VAT1L: variants seen among roughly 807,000 people sequenced by gnomAD.
VAT1L encodes putative NADPH-dependent quinone oxidoreductase VAT1L.
A neutral mutation model predicts 44.1 loss-of-function variants in VAT1L; 34 were observed. The ratio of observed to expected loss-of-function variants is 0.77; its 90% CI spans 0.59 to 1.03. The LOEUF is 1.03. VAT1L is among the 50% of genes least tolerant of loss of function. The pLI, the probability that VAT1L is intolerant of heterozygous loss-of-function variation, is 0.00. For missense variants in VAT1L, 615 were observed against 538.8 expected (o/e 1.14, Z -1.40); for synonymous variants, 253 against 202.2 (o/e 1.25, Z -2.13).
chr16:77,851,563 G>A (rs936426347), intron 3 of VAT1L, among the ~76,000 whole-genome samples: 14 of 152,022 alleles, frequency 9.2e-5, no homozygotes, highest in African/African-American at 3.1e-4. Context: ...TGAGGTGGGA[G>A]GATCGCTTGA....
At chr16:77,931,255 C>T (rs930638202) in intron 7 of VAT1L, among the ~76,000 whole-genome samples, 3 of 152,092 alleles carry the variant, frequency 2.0e-5, no homozygotes, top group African/African-American at 7.2e-5. Context: ...ACGTCAGCAC[C>T]CTCAGAATGA....
intron 4 of VAT1L, among the ~76,000 whole-genome samples, chr16:77,868,917 G>T (rs890693877): frequency 6.6e-6 from 1 of 152,136 alleles, no homozygotes; most frequent in Non-Finnish European, 1.5e-5. Flanking sequence ...AATATGAAAC[G>T]ACTGCAGACC....
At chr16:77,828,375 G>C (rs1038284100) in intron 3 of VAT1L, among the ~76,000 whole-genome samples, 5 of 152,342 alleles carry the variant, frequency 3.3e-5, no homozygotes, top group Non-Finnish European at 7.3e-5. Context: ...TTAAAGGTGG[G>C]AGTGGGGGCC....
At chr16:77,933,960 G>C (rs1213078050) in intron 7 of VAT1L, among the ~76,000 whole-genome samples, 1 of 152,166 alleles carries the variant, frequency 6.6e-6, no homozygotes, top group Non-Finnish European at 1.5e-5. Context: ...AGTGCTTTGG[G>C]CGATGGAATG....
chr16:77,816,374 T>C lies in VAT1L; in HGVS notation c.234-547T>C, dbSNP rs549321446. Among the ~76,000 whole-genome samples the C allele has an allele frequency of 5.9e-5, 9 of 152,282 alleles. No individual in the cohort carries two copies. The South Asian group carries it at 1.4e-3, about 25-fold the overall frequency. On this transcript the variant is annotated intron_variant, in intron 1 of 8. Transcript: ENST00000302536. The stretch of plus-strand genomic sequence containing the variant: ...ATCTCCTGATGGCTTATATTCACCA[T>C]TGTGGGAGCTGTTTATGCATAGTGC...
At position 77,874,860 on chromosome 16, in the gene VAT1L, A is replaced by T. The variant is rs796331307; in HGVS notation, c.723-1510A>T. On this transcript the variant is annotated intron_variant, in intron 4 of 8. Coordinates refer to ENST00000302536, the MANE Select transcript of VAT1L (RefSeq NM_020927.3). ...TTTGTAAAAAAAAAAAAAAAAAAAA[A>T]AAAGCCAGTCTGGCTCCTAAGTAAC... 2.4e-3 allele frequency among the ~76,000 whole-genome samples: 369 copies of T among 151,112 alleles called. 3 individuals carry two copies. Among genetic ancestry groups the T allele is most frequent in the South Asian group, 0.013 (61 of 4,778 alleles).
chr16:77,960,625 T>A (rs556441068), intron 7 of VAT1L, among the ~76,000 whole-genome samples: 2 of 152,170 alleles, frequency 1.3e-5, no homozygotes, highest in East Asian at 1.9e-4. Flanking sequence ...CAGGATCTCA[T>A]TGGCCAAAGC....
intron 1 of VAT1L, among the ~76,000 whole-genome samples, chr16:77,810,960 C>T (rs544939833): frequency 6.6e-6 from 1 of 152,280 alleles, no homozygotes; most frequent in South Asian, 2.1e-4. Context: ...CAATGGGTTT[C>T]TGAAGATTCT....
intron 4 of VAT1L, among the ~76,000 whole-genome samples, chr16:77,874,728 G>A (rs899035068): frequency 6.6e-6 from 1 of 151,306 alleles, no homozygotes; most frequent in Non-Finnish European, 1.5e-5. Context: ...TGTAATTATT[G>A]GTGAATATCT....
chr16:77,850,273 A>G (rs1436929092), intron 3 of VAT1L, among the ~76,000 whole-genome samples: 1 of 152,148 alleles, frequency 6.6e-6, no homozygotes, highest in African/African-American at 2.4e-5. Flanking sequence ...GGCTGTATGC[A>G]CACTTCTCTG....
intron 7 of VAT1L, among the ~76,000 whole-genome samples, chr16:77,962,739 A>AGAAGGAAGGAAGGAAGAAAGGAAG (rs2018175858): frequency 7.7e-6 from 1 of 129,328 alleles, no homozygotes; most frequent in Non-Finnish European, 1.6e-5. Context: ...AAAGAAGGAA[A>AGAAGGAAGGAAGGAAGAAAGGAAG]GAAGGAAGGA....
chr16:77,876,463 C>T lies in VAT1L; in HGVS notation c.816C>T (p.Tyr272=), dbSNP rs1316159190. The part of the protein sequence containing the change: ...GLSLLKPLGT[Y]ILYGSSNMVT... ...GTCTTCTCAAACCCCTGGGAACCTA[C>T]ATTTTATATGGTGAGTGCAAAACAG... is the stretch of plus-strand genomic sequence containing the variant. The change falls in exon 5 of 9, where the codon TAC becomes TAT. Residue 272 remains tyrosine (Y), a synonymous_variant. Coordinates refer to ENST00000302536, the MANE Select transcript of VAT1L (RefSeq NM_020927.3). 5 of 1,614,122 alleles carry T rather than the reference C, an allele frequency of 3.1e-6. No homozygotes were observed. The Admixed American group carries it at 5.0e-5, about 16-fold the overall frequency.
intron 7 of VAT1L, among the ~76,000 whole-genome samples, chr16:77,886,358 C>T (rs750635124): frequency 6.6e-6 from 1 of 152,054 alleles, no homozygotes. Flanking sequence ...GGAGAGAAAA[C>T]GGAATCATCA....
intron 1 of VAT1L, among the ~76,000 whole-genome samples, chr16:77,795,864 C>T (rs1020948255): frequency 4.9e-5 from 6 of 123,022 alleles, no homozygotes; most frequent in African/African-American, 1.2e-4. Flanking sequence ...TTTGCACTGT[C>T]GCCCAGGCTG....
At chr16:77,842,841 T>C (rs973014933) in intron 3 of VAT1L, among the ~76,000 whole-genome samples, 1 of 152,226 alleles carries the variant, frequency 6.6e-6, no homozygotes, top group African/African-American at 2.4e-5. Flanking sequence ...AATTTTACCA[T>C]GTAAATTTGT....
At chr16:77,954,467 C>G (rs173856) in intron 7 of VAT1L, among the ~76,000 whole-genome samples, 9 of 152,130 alleles carry the variant, frequency 5.9e-5, no homozygotes, top group African/African-American at 1.9e-4. Context: ...TCTACTAAAA[C>G]TATAAAAATT....
chr16:77,908,740 C>G (rs978248490), intron 7 of VAT1L, among the ~76,000 whole-genome samples: 1 of 151,880 alleles, frequency 6.6e-6, no homozygotes, highest in South Asian at 2.1e-4. Context: ...ACAGCGAAAC[C>G]CGTCTCTACT....
intron 7 of VAT1L, among the ~76,000 whole-genome samples, chr16:77,942,361 A>G (rs557804508): frequency 6.6e-6 from 1 of 152,146 alleles, no homozygotes; most frequent in South Asian, 2.1e-4. Context: ...CTCCCACGAT[A>G]TGGAAATTGT....
intron 7 of VAT1L, among the ~76,000 whole-genome samples, chr16:77,890,073 C>G (rs686136): frequency 2.0e-5 from 3 of 151,868 alleles, no homozygotes; most frequent in African/African-American, 7.3e-5. Flanking sequence ...GGCAACAGAG[C>G]AAGACACCAT....
Sources: allele counts gnomAD v4.1 joint callset (sites outside exome capture counted in the v4.1 genomes callset), GRCh38; gene constraint gnomAD v4.1.1; transcripts MANE v1.5; gene names NCBI Gene and HGNC (gene_info 2026-07-23, HGNC 2026-07-21).